PTPRZ1: variants seen among roughly 807,000 people sequenced by gnomAD.
PTPRZ1 encodes the protein protein tyrosine phosphatase receptor type Z1, also known as receptor-type tyrosine-protein phosphatase zeta.
Under a neutral mutation model 214.1 loss-of-function variants are expected in PTPRZ1, and 82 were observed. The observed-to-expected ratio is 0.38, with a 90% CI of 0.32 to 0.46. PTPRZ1 has a LOEUF of 0.46. Ranked by LOEUF, PTPRZ1 falls within the 20% of genes least tolerant of loss-of-function variation. The pLI, the probability that PTPRZ1 is intolerant of heterozygous loss-of-function variation, is 1.00. For missense variants in PTPRZ1, 2,603 were observed against 2,748.7 expected, an observed-to-expected ratio of 0.95 and a Z score of 1.19; for synonymous variants, 945 against 987.9, an observed-to-expected ratio of 0.96 and a Z score of 0.81.
intron 2 of PTPRZ1, among the ~76,000 whole-genome samples, chr7:121,953,756 G>A (rs1796627265): frequency 6.6e-6 from 1 of 152,180 alleles, no homozygotes; most frequent in African/African-American, 2.4e-5. Context: ...ATTGAGGAGA[G>A]CTCAGTGTAG....
At chr7:121,973,535 C>T (rs187441581) in intron 4 of PTPRZ1, among the ~76,000 whole-genome samples, 311 of 152,248 alleles carry the variant, frequency 2.0e-3, no homozygotes, top group African/African-American at 7.0e-3. Flanking sequence ...AATTATTTAA[C>T]TTACCAATGC....
At chr7:121,891,698 A>T (rs2116217160) in intron 1 of PTPRZ1, among the ~76,000 whole-genome samples, 2 of 150,948 alleles carry the variant, frequency 1.3e-5, no homozygotes, top group Middle Eastern at 3.4e-3. Flanking sequence ...ATCTTGTTTG[A>T]TTTTTCATAT....
intron 2 of PTPRZ1, among the ~76,000 whole-genome samples, chr7:121,928,472 T>C (rs1031209303): frequency 1.3e-5 from 2 of 152,202 alleles, no homozygotes; most frequent in African/African-American, 4.8e-5. Context: ...GCTGTCTATA[T>C]ACCTTCAAGA....
chr7:121,943,429 G>A (rs1584665862), intron 2 of PTPRZ1, among the ~76,000 whole-genome samples: 2 of 152,128 alleles, frequency 1.3e-5, no homozygotes, highest in Middle Eastern at 6.8e-3. Context: ...TCCACCTCCC[G>A]GGTTCACGCC....
chr7:121,982,230 T>C (rs886073081), intron 6 of PTPRZ1, among the ~76,000 whole-genome samples: 2 of 152,210 alleles, frequency 1.3e-5, no homozygotes, highest in Non-Finnish European at 2.9e-5. Context: ...TTCTCTTCCA[T>C]TGTTCTCTTC....
In PTPRZ1 at chr7:121,952,149, A is replaced by T. The variant is rs138574097; in HGVS notation, c.125-15802A>T. ...AATCTTTTGTATTTTTAGTAGAGAC[A>T]GGGTTTCACCGTGTTAGCGAGCATG... On this transcript the variant is annotated intron_variant, in intron 2 of 29. Transcript: ENST00000393386. Among the ~76,000 whole-genome samples the T allele has an allele frequency of 6.2e-3, 936 of 152,108 alleles. 7 individuals carry two copies. Among genetic ancestry groups the T allele is most frequent in the African/African-American group, 0.021 (864 of 41,498 alleles).
intron 10 of PTPRZ1, among the ~76,000 whole-genome samples, chr7:121,999,715 T>G (rs1357302950): frequency 6.6e-6 from 1 of 152,146 alleles, no homozygotes; most frequent in Non-Finnish European, 1.5e-5. Context: ...CTTTCTGAAT[T>G]TTTTTGTTCT....
intron 2 of PTPRZ1, among the ~76,000 whole-genome samples, chr7:121,958,443 T>A (rs894923652): frequency 1.3e-5 from 2 of 152,192 alleles, no homozygotes; most frequent in African/African-American, 4.8e-5. Flanking sequence ...CTGCTCCCCT[T>A]TATGCTGCCT....
Position 122,061,206 on chromosome 7 carries a change from G to A in PTPRZ1, c.6934G>A (p.Glu2312Lys). The change falls in exon 30 of 30, where the codon GAG becomes AAG. Residue 2312 changes from glutamate (E) to lysine (K), a missense_variant. Physicochemically the swap from Glu to Lys is moderately conservative, Grantham distance 56. This residue lies in a region of PTPRZ1 where 165 missense variants were observed against 151.4 expected (regional missense o/e 1.09). Transcript: ENST00000393386. Reference protein sequence around the residue: ...LPDGNIAESLESLV With the variant: ...LPDGNIAESLKSLV The stretch of plus-strand genomic sequence containing the variant: ...TGATGGAAATATAGCTGAGAGCTTA[G>A]AGTCTTTAGTTTAACACAGAAAGGG... 3.7e-6 allele frequency: 6 copies of A among 1,602,036 alleles called. No homozygotes were observed. Among genetic ancestry groups the A allele is most frequent in the Non-Finnish European group, 4.3e-6 (5 of 1,173,162 alleles).
intron 20 of PTPRZ1, among the ~76,000 whole-genome samples, chr7:122,039,921 G>A (rs1327363050): frequency 1.3e-5 from 2 of 151,756 alleles, no homozygotes; most frequent in African/African-American, 4.8e-5. Flanking sequence ...GGCAGAGGTT[G>A]CAGTGAGCTA....
At chr7:121,993,621 G>A (rs1798041766) in intron 8 of PTPRZ1, among the ~76,000 whole-genome samples, 2 of 150,974 alleles carry the variant, frequency 1.3e-5, no homozygotes, top group African/African-American at 4.9e-5. Context: ...AAGATAATTG[G>A]GCTGATTTCA....
chr7:121,894,444 C>T (rs1406028224), intron 1 of PTPRZ1, among the ~76,000 whole-genome samples: 1 of 152,220 alleles, frequency 6.6e-6, no homozygotes, highest in East Asian at 1.9e-4. Context: ...CTGCCTCTGT[C>T]ACTCAGGCTG....
At chr7:121,953,201 TATTA>T (rs1172475651) in intron 2 of PTPRZ1, among the ~76,000 whole-genome samples, 5 of 152,208 alleles carry the variant, frequency 3.3e-5, no homozygotes, top group African/African-American at 1.2e-4. Context: ...TTAATTTGGG[TATTA>T]ATTTTTCATC....
intron 2 of PTPRZ1, among the ~76,000 whole-genome samples, chr7:121,958,462 G>A (rs1011338352): frequency 1.3e-5 from 2 of 152,100 alleles, no homozygotes; most frequent in Non-Finnish European, 2.9e-5. Flanking sequence ...CTAAATGTTA[G>A]TGCTTTCCAC....
rs1792302025 is a variant in PTPRZ1 at position 122,054,902 on chromosome 7, ATTAAAATC to A, written c.6382-37_6382-30del. ...CACAATCTGACTTATTGGTCATTTT[ATTAAAATC>A]TAGACTCTTCTTTCATTTGCAATTC... On this transcript the variant is annotated intron_variant, in intron 26 of 29. Coordinates refer to ENST00000393386, the MANE Select transcript of PTPRZ1 (RefSeq NM_002851.3). 3 of 1,523,104 alleles carry A rather than the reference ATTAAAATC, an allele frequency of 2.0e-6. No individual in the cohort carries two copies. In the African/African-American group the frequency reaches 4.3e-5, roughly 22 times the overall value. The allele number at this position is 1,523,104 out of a possible 1,614,324, so 94.3% of individuals were successfully genotyped here. A position where few individuals can be genotyped will look rare whatever the true frequency, so the allele number is the denominator to read the frequency against.
intron 17 of PTPRZ1, 56 bp from the exon 18 acceptor site, chr7:122,036,539 ATTATC>A: frequency 9.2e-7 from 1 of 1,089,742 alleles, no homozygotes; most frequent in Non-Finnish European, 1.4e-6. Flanking sequence ...GCAAATATGA[ATTATC>A]TTTGTGCTGA....
chr7:121,925,094 G>C (rs1315556482), intron 1 of PTPRZ1, among the ~76,000 whole-genome samples: 4 of 152,174 alleles, frequency 2.6e-5, no homozygotes, highest in Non-Finnish European at 5.9e-5. Context: ...GGAAGGCAGG[G>C]ACCCCGCATT....
At chr7:121,889,170 A>G (rs1794500753) in intron 1 of PTPRZ1, among the ~76,000 whole-genome samples, 1 of 152,158 alleles carries the variant, frequency 6.6e-6, no homozygotes. Context: ...TCAGTATGAG[A>G]AGCCTTGCAC....
rs530089076 is a variant in PTPRZ1, at chr7:121,963,016, C to G, written c.125-4935C>G. ...TTTATTTTTCTGTTTGTTGGTTTTT[C>G]CACTAAAAAAAAAATCATTTTTTAA... On this transcript the variant is annotated intron_variant, in intron 2 of 29. Transcript: ENST00000393386. Among the ~76,000 whole-genome samples, 3 of 151,506 alleles carry G rather than the reference C, an allele frequency of 2.0e-5. No individual in the cohort carries two copies. In the South Asian group the frequency reaches 6.2e-4, roughly 31 times the overall value.
Sources: gnomAD v4.1 joint callset for allele counts (sites outside exome capture counted in the v4.1 genomes callset) on GRCh38, gnomAD v4.1.1 for gene constraint, gnomAD v4.1.1 regional missense constraint, MANE v1.5 for transcripts, NCBI Gene and HGNC (gene_info 2026-07-23, HGNC 2026-07-21) for gene names.